CSMD1: variants seen among roughly 807,000 people sequenced by gnomAD.
CSMD1 encodes CUB and sushi domain-containing protein 1.
A neutral mutation model predicts 417.5 loss-of-function variants in CSMD1; 213 were observed. The ratio of observed to expected loss-of-function variants is 0.51; its 90% CI spans 0.46 to 0.57. The LOEUF is 0.57. Ranked by LOEUF, CSMD1 falls within the 20% of genes least tolerant of loss-of-function variation. The probability of loss-of-function intolerance (pLI) is 0.00; values close to 1 mark genes in which losing one functional copy is unlikely to be tolerated. For synonymous variants in CSMD1, 2,862 were observed against 1,736.8 expected (o/e 1.65, Z -16.11); for missense variants, 6,923 against 4,529.7 (o/e 1.53, Z -15.17).
At chr8:3,532,233 C>T (rs754057480) in intron 10 of CSMD1, among the ~76,000 whole-genome samples, 2 of 152,072 alleles carry the variant, frequency 1.3e-5, no homozygotes, top group African/African-American at 2.4e-5. Context: ...GGTGTGAGAC[C>T]AAGAACTCTA....
At chr8:3,358,734 A>C (rs1808962651) in intron 21 of CSMD1, among the ~76,000 whole-genome samples, 1 of 152,082 alleles carries the variant, frequency 6.6e-6, no homozygotes, top group South Asian at 2.1e-4. Flanking sequence ...ACAAAAACAA[A>C]ATTGTCACCA....
At chr8:4,686,557 C>T (rs988345624) in intron 1 of CSMD1, among the ~76,000 whole-genome samples, 2 of 152,350 alleles carry the variant, frequency 1.3e-5, no homozygotes, top group South Asian at 2.1e-4. Context: ...TACATCCCTG[C>T]TGATTTATAA....
intron 46 of CSMD1, among the ~76,000 whole-genome samples, chr8:3,099,721 C>A (rs940880316): frequency 6.6e-6 from 1 of 152,112 alleles, no homozygotes; most frequent in Non-Finnish European, 1.5e-5. Context: ...AATGATCTAA[C>A]CCAGAAGCAG....
At chr8:3,318,034 C>G (rs1422770428) in intron 23 of CSMD1, among the ~76,000 whole-genome samples, 1 of 152,160 alleles carries the variant, frequency 6.6e-6, no homozygotes, top group South Asian at 2.1e-4. Flanking sequence ...ACCCTGGGTT[C>G]AAGTGATCTG....
At chr8:3,241,877 G>A (rs971963698) in intron 26 of CSMD1, among the ~76,000 whole-genome samples, 1 of 152,076 alleles carries the variant, frequency 6.6e-6, no homozygotes, top group Non-Finnish European at 1.5e-5. Flanking sequence ...ATTAAGTCCT[G>A]TTGTGGGGTT....
intron 5 of CSMD1, among the ~76,000 whole-genome samples, chr8:3,896,967 A>C (rs949507294): frequency 1.3e-5 from 2 of 152,016 alleles, no homozygotes; most frequent in African/African-American, 4.8e-5. Flanking sequence ...TCTGCTTAAC[A>C]TGACATCCTA....
At chr8:3,679,010 C>G (rs111763311) in intron 7 of CSMD1, among the ~76,000 whole-genome samples, 22,764 of 152,050 alleles carry the variant, frequency 0.15, 1,886 homozygotes, top group South Asian at 0.22. Flanking sequence ...CACCAGACCT[C>G]CCCTAAAAGA....
Position 4,923,392 on chromosome 8 carries a change from G to C in CSMD1, c.85+70940C>G, listed in dbSNP as rs148370488. ...TTAAAATAAAGAGTGTAACTGGATTGTTTGATACTCAAAGGATAAATGTTG... is the reference window on the plus strand; with the variant it reads ...TTAAAATAAAGAGTGTAACTGGATTCTTTGATACTCAAAGGATAAATGTTG... On this transcript the variant is annotated intron_variant, in intron 1 of 69. Coordinates refer to ENST00000635120, the MANE Select transcript of CSMD1 (RefSeq NM_033225.6). 1.4e-4 allele frequency among the ~76,000 whole-genome samples: 21 copies of C among 152,178 alleles called. No individual in the cohort carries two copies. The Middle Eastern group carries it at 0.01, about 74-fold the overall frequency.
intron 2 of CSMD1, among the ~76,000 whole-genome samples, chr8:4,570,382 A>G (rs111742712): frequency 2.0e-5 from 3 of 152,162 alleles, no homozygotes; most frequent in Non-Finnish European, 2.9e-5. Flanking sequence ...GTCTGCATCT[A>G]TCGGGATAAT....
chr8:4,832,663 C>A (rs1400918831), intron 1 of CSMD1, among the ~76,000 whole-genome samples: 2 of 152,156 alleles, frequency 1.3e-5, no homozygotes, highest in South Asian at 2.1e-4. Flanking sequence ...TATATATTCT[C>A]ATATTTCTCA....
In CSMD1 at chr8:4,445,258, C is replaced by T. The variant is rs1186959859; in HGVS notation, c.303-25193G>A. Among the ~76,000 whole-genome samples, 4 of 151,994 alleles carry T rather than the reference C, an allele frequency of 2.6e-5. No individual in the cohort carries two copies. In the East Asian group the frequency reaches 7.7e-4, roughly 29 times the overall value. On this transcript the variant is annotated intron_variant, in intron 2 of 69. Transcript: ENST00000635120. ...ATTTTTCTCTTGTTCTCTTTCTAGC[C>T]ATATGTTCTCTGTCATTACCTATGA...
intron 3 of CSMD1, among the ~76,000 whole-genome samples, chr8:4,102,446 G>C (rs1198150623): frequency 2.0e-5 from 3 of 152,134 alleles, no homozygotes; most frequent in East Asian, 1.9e-4. Flanking sequence ...ATTTAAGAAA[G>C]TCCTTGGTCA....
At chr8:3,795,161 G>GATAT (rs1161417513) in intron 5 of CSMD1, among the ~76,000 whole-genome samples, 18 of 72,570 alleles carry the variant, frequency 2.5e-4, no homozygotes, top group African/African-American at 7.7e-4. Flanking sequence ...TACAGCTATA[G>GATAT]ATACCTATCA....
intron 10 of CSMD1, among the ~76,000 whole-genome samples, chr8:3,528,004 T>C (rs1797825361): frequency 6.6e-6 from 1 of 152,168 alleles, no homozygotes; most frequent in South Asian, 2.1e-4. Flanking sequence ...TCCCTGGGTT[T>C]CTGACAACCA....
intron 12 of CSMD1, among the ~76,000 whole-genome samples, chr8:3,414,054 A>C (rs10098575): frequency 0.056 from 8,514 of 151,058 alleles, 278 homozygotes; most frequent in Middle Eastern, 0.11. Flanking sequence ...CAGGAGAATT[A>C]CTTGAAACCA....
intron 4 of CSMD1, among the ~76,000 whole-genome samples, chr8:4,015,542 T>C (rs1796479061): frequency 6.6e-6 from 1 of 152,004 alleles, no homozygotes; most frequent in South Asian, 2.1e-4. Flanking sequence ...ATTTAGCATG[T>C]TTTATTAAAG....
At chr8:4,074,251 C>G (rs1167788630) in intron 3 of CSMD1, among the ~76,000 whole-genome samples, 1 of 151,798 alleles carries the variant, frequency 6.6e-6, no homozygotes, top group Non-Finnish European at 1.5e-5. Flanking sequence ...AAAGCAAAAA[C>G]AAATTGTTTC....
At chr8:3,722,505 C>G (rs1401378107) in intron 6 of CSMD1, among the ~76,000 whole-genome samples, 2 of 152,294 alleles carry the variant, frequency 1.3e-5, no homozygotes, top group East Asian at 3.9e-4. Context: ...AAAGCAGGGT[C>G]TGTCTTACCT....
intron 1 of CSMD1, among the ~76,000 whole-genome samples, chr8:4,729,378 T>C (rs945736646): frequency 1.3e-5 from 2 of 152,000 alleles, no homozygotes; most frequent in African/African-American, 4.8e-5. Context: ...CAAGAGAGAA[T>C]TGGAAGAAAT....
Sources: allele counts gnomAD v4.1 joint callset (sites outside exome capture counted in the v4.1 genomes callset), GRCh38; gene constraint gnomAD v4.1.1; transcripts MANE v1.5; gene names NCBI Gene and HGNC (gene_info 2026-07-23, HGNC 2026-07-21).